Variants in ADAMTS2 observed in about 807,000 individuals in gnomAD.
The protein encoded by ADAMTS2 is A disintegrin and metalloproteinase with thrombospondin motifs 2.
A neutral mutation model predicts 123.0 loss-of-function variants in ADAMTS2; 50 were observed. That is an observed-to-expected ratio of 0.41 (90% confidence interval 0.32 to 0.51). The LOEUF (loss-of-function observed/expected upper bound fraction) is 0.51, where lower values mean the gene tolerates loss of function less well. ADAMTS2 is among the 20% of genes least tolerant of loss of function. The probability of loss-of-function intolerance (pLI) is 0.35; values close to 1 mark genes in which losing one functional copy is unlikely to be tolerated. For synonymous variants in ADAMTS2, 678 were observed against 695.4 expected, an observed-to-expected ratio of 0.98 and a Z score of 0.39; for missense variants, 1,494 against 1,705.2, an observed-to-expected ratio of 0.88 and a Z score of 2.18.
intron 4 of ADAMTS2, among the ~76,000 whole-genome samples, chr5:179,198,969 G>A (rs1182431751): frequency 5.3e-5 from 8 of 152,158 alleles, no homozygotes; most frequent in Admixed American, 1.3e-4. Flanking sequence ...TCAGAGGTGT[G>A]TGGACATGCC....
intron 3 of ADAMTS2, among the ~76,000 whole-genome samples, chr5:179,227,539 G>A (rs1765317176): frequency 6.6e-6 from 1 of 152,084 alleles, no homozygotes; most frequent in South Asian, 2.1e-4. Context: ...CCCCAGCTGG[G>A]GCCCTTTGAG....
chr5:179,153,146 C>T (rs1763395034), intron 9 of ADAMTS2, among the ~76,000 whole-genome samples: 1 of 152,188 alleles, frequency 6.6e-6, no homozygotes. Flanking sequence ...GTCCGTGGCC[C>T]TCCCTTCCTG....
In ADAMTS2 at chr5:179,314,693, G is replaced by T. The variant is rs1265139828; in HGVS notation, c.534+29074C>A. 6.6e-6 allele frequency among the ~76,000 whole-genome samples: 1 copy of T among 151,544 alleles called. No homozygotes were observed. Among genetic ancestry groups the T allele is most frequent in the African/African-American group, 2.4e-5 (1 of 40,926 alleles). On this transcript the variant is annotated intron_variant, in intron 2 of 21. Coordinates refer to ENST00000251582, the MANE Select transcript of ADAMTS2 (RefSeq NM_014244.5). This position sits in a 1 kb window ranked among gnomAD's most constrained non-coding sequence, Gnocchi z 4.5. ...AGAATTACAAGCCCCTGATTCTGGG[G>T]GCTTCCACGCTCTTCCACCAAGCCC... is the stretch of plus-strand genomic sequence containing the variant.
At chr5:179,192,643 C>G (rs1276935691) in intron 4 of ADAMTS2, among the ~76,000 whole-genome samples, 2 of 152,222 alleles carry the variant, frequency 1.3e-5, no homozygotes, top group Admixed American at 6.5e-5. Flanking sequence ...GGCCAGGCTC[C>G]CTGCCAGGCG....
chr5:179,330,495 G>A (rs1757453278), intron 2 of ADAMTS2, among the ~76,000 whole-genome samples: 1 of 152,240 alleles, frequency 6.6e-6, no homozygotes, highest in Non-Finnish European at 1.5e-5. Flanking sequence ...GGTTTTTAAT[G>A]TCCCTAGTCC....
intron 4 of ADAMTS2, among the ~76,000 whole-genome samples, chr5:179,198,862 C>T (rs1764492583): frequency 6.6e-6 from 1 of 151,826 alleles, no homozygotes; most frequent in African/African-American, 2.4e-5. Context: ...ACAAAACTCA[C>T]TGCAGAGAGC....
chr5:179,309,748 C>A (rs151076594), intron 2 of ADAMTS2, among the ~76,000 whole-genome samples: 3,888 of 117,920 alleles, frequency 0.033, 88 homozygotes, highest in Middle Eastern at 0.14. Context: ...CACAGCAAGA[C>A]TCAGTCTCCA....
rs1023716973 is a variant in ADAMTS2 at position 179,234,444 on chromosome 5, C to T, written c.689-26729G>A. On this transcript the variant is annotated intron_variant, in intron 3 of 21. Transcript: ENST00000251582. This position sits in a 1 kb window ranked among gnomAD's most constrained non-coding sequence, Gnocchi z 4.7. ...GCTTCCGTGTGCAGGGCTTCACCCT[C>T]GCTCTCCTCTCTGCCTGCTCCACAC... 6.6e-6 allele frequency among the ~76,000 whole-genome samples: 1 copy of T among 152,062 alleles called. No individual in the cohort carries two copies. Among genetic ancestry groups the T allele is most frequent in the African/African-American group, 2.4e-5 (1 of 41,388 alleles).
chr5:179,221,567 G>A (rs1447067293), intron 3 of ADAMTS2, among the ~76,000 whole-genome samples: 1 of 152,152 alleles, frequency 6.6e-6, no homozygotes, highest in Admixed American at 6.5e-5. Flanking sequence ...TGCTGGGGGT[G>A]GAAGGGTGGT....
At chr5:179,217,873 GCA>G in intron 3 of ADAMTS2, among the ~76,000 whole-genome samples, 2 of 58,200 alleles carry the variant, frequency 3.4e-5, no homozygotes, top group African/African-American at 1.6e-4. Flanking sequence ...TGGCCTGAGG[GCA>G]GACGGCACAC....
intron 3 of ADAMTS2, among the ~76,000 whole-genome samples, chr5:179,267,373 G>A (rs1175930115): frequency 2.0e-5 from 3 of 152,246 alleles, no homozygotes; most frequent in South Asian, 2.1e-4. Flanking sequence ...CCGTGGTGGC[G>A]TGCCTCGTCT....
intron 4 of ADAMTS2, among the ~76,000 whole-genome samples, chr5:179,205,826 C>G (rs1466799367): frequency 2.6e-5 from 4 of 151,530 alleles, no homozygotes; most frequent in Non-Finnish European, 4.4e-5. Context: ...GGCTAGAGTG[C>G]AGTGGTGCGA....
intron 3 of ADAMTS2, among the ~76,000 whole-genome samples, chr5:179,270,807 T>C (rs764998507): frequency 6.6e-6 from 1 of 152,196 alleles, no homozygotes; most frequent in Admixed American, 6.5e-5. Context: ...GCTAGCTCAC[T>C]GAAGGCCCGA....
intron 4 of ADAMTS2, among the ~76,000 whole-genome samples, chr5:179,205,757 G>GTTATTATTA (rs148528271): frequency 0.39 from 45,415 of 115,750 alleles, 7,847 homozygotes; most frequent in Non-Finnish European, 0.48. Context: ...TGGTTTTATT[G>GTTATTATTA]TTATTATTAT....
intron 2 of ADAMTS2, among the ~76,000 whole-genome samples, chr5:179,327,085 C>G (rs1757337973): frequency 6.6e-6 from 1 of 152,222 alleles, no homozygotes; most frequent in African/African-American, 2.4e-5. Flanking sequence ...CTCTAGCCCT[C>G]CAGCACATAG....
At chr5:179,224,302 C>T (rs1765221805) in intron 3 of ADAMTS2, among the ~76,000 whole-genome samples, 1 of 152,178 alleles carries the variant, frequency 6.6e-6, no homozygotes, top group Admixed American at 6.5e-5. Context: ...TCCGTAGGCG[C>T]CATCCTGACA....
intron 2 of ADAMTS2, among the ~76,000 whole-genome samples, chr5:179,273,403 G>A (rs1433085042): frequency 1.4e-4 from 21 of 152,168 alleles, no homozygotes; most frequent in South Asian, 4.1e-4. Context: ...GGGCCTGTGC[G>A]TGTCCCCAGG....
At chr5:179,271,741 T>C (rs1349153184) in intron 3 of ADAMTS2, among the ~76,000 whole-genome samples, 12 of 152,240 alleles carry the variant, frequency 7.9e-5, no homozygotes, top group Non-Finnish European at 1.5e-4. Context: ...GGCTTCCTGA[T>C]GGAACAATTC....
intron 2 of ADAMTS2, among the ~76,000 whole-genome samples, chr5:179,339,267 C>A (rs1757702371): frequency 1.3e-5 from 2 of 152,360 alleles, no homozygotes; most frequent in Middle Eastern, 6.8e-3. Context: ...ACAGGTGTCA[C>A]CCAGAGAGGA....
Sources: gnomAD v4.1 joint callset for allele counts (sites outside exome capture counted in the v4.1 genomes callset) on GRCh38, gnomAD v4.1.1 for gene constraint, Gnocchi (gnomAD v3.1) non-coding constraint, MANE v1.5 for transcripts, NCBI Gene and HGNC (gene_info 2026-07-23, HGNC 2026-07-21) for gene names.